The following KHDRBS2 variants were observed in gnomAD, a reference collection of about 807,000 sequenced individuals.
The protein encoded by KHDRBS2 is KH RNA binding domain containing, signal transduction associated 2, also known as KH domain-containing, RNA-binding, signal transduction-associated protein 2.
In KHDRBS2, 26 loss-of-function variants were observed where a neutral mutation model predicts 44.3. That is an observed-to-expected ratio of 0.59 (90% confidence interval 0.43 to 0.81). KHDRBS2 has a LOEUF of 0.81. Ranked by LOEUF, KHDRBS2 falls within the 40% of genes least tolerant of loss-of-function variation. KHDRBS2 has a pLI of 0.00. For missense variants in KHDRBS2, 476 were observed against 433.1 expected, an observed-to-expected ratio of 1.10 and a Z score of -0.88; for synonymous variants, 194 against 151.1, an observed-to-expected ratio of 1.28 and a Z score of -2.08.
chr6:61,674,534 A>T, the KHDRBS2 span, among the ~76,000 whole-genome samples: 7 of 151,858 alleles, frequency 4.6e-5, no homozygotes, highest in African/African-American at 9.6e-5. Flanking sequence ...GTAAGTTTTT[A>T]TGTGAAAATT....
intron 4 of KHDRBS2, among the ~76,000 whole-genome samples, chr6:61,967,377 C>CAA (rs1770228683): frequency 1.3e-5 from 2 of 151,794 alleles, no homozygotes; most frequent in Non-Finnish European, 2.9e-5. Context: ...AGCCATTTTA[C>CAA]AAGCTGTATG....
the KHDRBS2 span, among the ~76,000 whole-genome samples, chr6:61,549,266 G>A: frequency 2.1e-4 from 32 of 152,242 alleles, no homozygotes; most frequent in South Asian, 2.1e-4. Context: ...GTGGTATAAT[G>A]TTAAACAATG....
chr6:62,224,349 CAT>C (rs919764817), intron 1 of KHDRBS2, among the ~76,000 whole-genome samples: 24 of 152,124 alleles, frequency 1.6e-4, no homozygotes, highest in Admixed American at 1.2e-3. Context: ...CCTCCCAAAA[CAT>C]GTGGGAGTAA....
At chr6:62,150,083 G>A (rs1001504920) in intron 2 of KHDRBS2, among the ~76,000 whole-genome samples, 1 of 152,020 alleles carries the variant, frequency 6.6e-6, no homozygotes, top group Non-Finnish European at 1.5e-5. Context: ...TTTAATTCAT[G>A]GTAAAAGCCA....
At chr6:62,067,175 G>A (rs1371774617) in intron 2 of KHDRBS2, among the ~76,000 whole-genome samples, 1 of 151,390 alleles carries the variant, frequency 6.6e-6, no homozygotes, top group Non-Finnish European at 1.5e-5. Context: ...ATTCCCATCC[G>A]CTTTTCTGAA....
intron 6 of KHDRBS2, among the ~76,000 whole-genome samples, chr6:61,825,979 C>A (rs1180760159): frequency 2.0e-5 from 3 of 152,046 alleles, no homozygotes; most frequent in Non-Finnish European, 4.4e-5. Context: ...ATTCGGATGC[C>A]AACACTTGGA....
intron 2 of KHDRBS2, among the ~76,000 whole-genome samples, chr6:62,107,560 C>T (rs1175308331): frequency 6.6e-6 from 1 of 152,128 alleles, no homozygotes; most frequent in Non-Finnish European, 1.5e-5. Context: ...ATCAAGCTAC[C>T]AATGACTTTC....
chr6:61,998,110 A>G (rs1777560020), intron 3 of KHDRBS2, among the ~76,000 whole-genome samples: 1 of 152,172 alleles, frequency 6.6e-6, no homozygotes, highest in African/African-American at 2.4e-5. Context: ...CTGGAAATAA[A>G]ATACATTTAC....
chr6:61,568,196 T>C, the KHDRBS2 span, among the ~76,000 whole-genome samples: 1 of 152,220 alleles, frequency 6.6e-6, no homozygotes, highest in Non-Finnish European at 1.5e-5. Context: ...TCCATTGATT[T>C]ATGTGTCTGT....
chr6:62,262,755 CTAAAT>C (rs1838571563), intron 1 of KHDRBS2, among the ~76,000 whole-genome samples: 1 of 151,504 alleles, frequency 6.6e-6, no homozygotes, highest in East Asian at 1.9e-4. Context: ...TTAGTATTGG[CTAAAT>C]TAAATTATTA....
chr6:61,860,687 CATGT>C (rs1796813479), intron 6 of KHDRBS2, among the ~76,000 whole-genome samples: 1 of 152,026 alleles, frequency 6.6e-6, no homozygotes, highest in Non-Finnish European at 1.5e-5. Flanking sequence ...CATATGCATG[CATGT>C]GTCTTTAAAA....
intron 1 of KHDRBS2, among the ~76,000 whole-genome samples, chr6:62,253,053 A>G (rs1196965600): frequency 6.6e-6 from 1 of 152,044 alleles, no homozygotes; most frequent in Non-Finnish European, 1.5e-5. Context: ...TCCATGGATC[A>G]CCTACCCCAG....
intron 6 of KHDRBS2, among the ~76,000 whole-genome samples, chr6:61,866,222 T>C (rs1323607660): frequency 2.0e-5 from 3 of 152,202 alleles, no homozygotes; most frequent in Non-Finnish European, 4.4e-5. Context: ...AAGGCAAACT[T>C]CTACCTGGAC....
At chr6:61,727,100 G>A (rs1456758944) in intron 7 of KHDRBS2, among the ~76,000 whole-genome samples, 1 of 151,932 alleles carries the variant, frequency 6.6e-6, no homozygotes, top group Admixed American at 6.6e-5. Context: ...ACAGAATAAA[G>A]AACTCAGAAA....
chr6:61,876,060 T>C (rs917936576), intron 6 of KHDRBS2, among the ~76,000 whole-genome samples: 5 of 151,988 alleles, frequency 3.3e-5, no homozygotes, highest in African/African-American at 1.2e-4. Flanking sequence ...GGAGCAGAAA[T>C]AGTTGACAAA....
chr6:62,235,070 C>CTTTT (rs10570985), intron 1 of KHDRBS2, among the ~76,000 whole-genome samples: 25 of 106,952 alleles, frequency 2.3e-4, no homozygotes, highest in Admixed American at 3.0e-4. Context: ...TCCATTTAGG[C>CTTTT]TTTTTTTTTT....
chr6:62,054,553 C>A (rs572614176), intron 2 of KHDRBS2, among the ~76,000 whole-genome samples: 6 of 152,016 alleles, frequency 3.9e-5, no homozygotes, highest in Admixed American at 6.6e-5. Context: ...CTGGATTACC[C>A]AGCTGTGCCT....
At chr6:62,187,751 G>A (rs973963125) in intron 1 of KHDRBS2, among the ~76,000 whole-genome samples, 14 of 151,978 alleles carry the variant, frequency 9.2e-5, no homozygotes, top group Non-Finnish European at 1.8e-4. Context: ...AATACTCAAG[G>A]TGAAATCTAT....
intron 6 of KHDRBS2, among the ~76,000 whole-genome samples, chr6:61,887,440 GA>G (rs550074681): frequency 6.6e-6 from 1 of 151,928 alleles, no homozygotes; most frequent in African/African-American, 2.4e-5. Flanking sequence ...GAAGGTCAAT[GA>G]AAAAAAGCTT....
Sources: gnomAD v4.1 joint callset for allele counts (sites outside exome capture counted in the v4.1 genomes callset) on GRCh38, gnomAD v4.1.1 for gene constraint, MANE v1.5 for transcripts, NCBI Gene and HGNC (gene_info 2026-07-23, HGNC 2026-07-21) for gene names.